The following IFTAP variants were observed in gnomAD, a reference collection of about 807,000 sequenced individuals.
IFTAP encodes intraflagellar transport-associated protein.
In IFTAP, 19 loss-of-function variants were observed where a neutral mutation model predicts 19.4. The ratio of observed to expected loss-of-function variants is 0.98; its 90% CI spans 0.68 to 1.44. The LOEUF (loss-of-function observed/expected upper bound fraction) is 1.44, where lower values mean the gene tolerates loss of function less well. Among genes scored for constraint, IFTAP ranks in the 40% most tolerant of loss-of-function variants. The pLI, the probability that IFTAP is intolerant of heterozygous loss-of-function variation, is 0.00. For synonymous variants in IFTAP, 85 were observed against 83.5 expected (o/e 1.02, Z -0.10); for missense variants, 240 against 253.6 (o/e 0.95, Z 0.36).
At chr11:36,649,758 C>G (rs936696698) in intron 5 of IFTAP, among the ~76,000 whole-genome samples, 1 of 152,092 alleles carries the variant, frequency 6.6e-6, no homozygotes, top group African/African-American at 2.4e-5. Flanking sequence ...CAAAATGATA[C>G]AAGCCACAGA....
chr11:36,645,579 C>T (rs1032139679), intron 4 of IFTAP, among the ~76,000 whole-genome samples: 3 of 151,700 alleles, frequency 2.0e-5, no homozygotes, highest in Non-Finnish European at 4.4e-5. Flanking sequence ...TTTTTTTTCT[C>T]CTGAGAGAAT....
intron 4 of IFTAP, among the ~76,000 whole-genome samples, chr11:36,637,189 AACCTCT>A (rs1389044546): frequency 6.6e-6 from 1 of 152,182 alleles, no homozygotes; most frequent in Admixed American, 6.5e-5. Context: ...TGGTTGTATA[AACCTCT>A]ACTCTAGCTT....
intron 1 of IFTAP, among the ~76,000 whole-genome samples, chr11:36,606,857 C>A (rs1054455073): frequency 8.5e-5 from 13 of 152,214 alleles, no homozygotes; most frequent in Non-Finnish European, 1.8e-4. Flanking sequence ...ATACATCCTA[C>A]TGTAGTGAAA....
intron 4 of IFTAP, among the ~76,000 whole-genome samples, chr11:36,638,150 ACC>A (rs1853031939): frequency 6.7e-6 from 1 of 148,618 alleles, no homozygotes; most frequent in Non-Finnish European, 1.5e-5. Flanking sequence ...ACCCCGCCCC[ACC>A]GCCCGCCCGA....
At chr11:36,632,741 AAG>A (rs1174151268) in intron 2 of IFTAP, among the ~76,000 whole-genome samples, 3 of 151,304 alleles carry the variant, frequency 2.0e-5, no homozygotes, top group Non-Finnish European at 4.4e-5. Flanking sequence ...ATAACCTGAA[AAG>A]AGATACTGCT....
At chr11:36,610,391 C>A in intron 2 of IFTAP, 152 bp downstream of exon 2, 1 of 685,360 alleles carries the variant, frequency 1.5e-6, no homozygotes, top group African/African-American at 1.8e-5. Context: ...GTGACTGATG[C>A]CCTAATGTTA....
chr11:36,658,171 C>T (rs2133557087), intron 5 of IFTAP, among the ~76,000 whole-genome samples: 1 of 152,240 alleles, frequency 6.6e-6, no homozygotes, highest in African/African-American at 2.4e-5. Context: ...CTTGCATAAA[C>T]CATAGTTTTC....
At chr11:36,626,792 C>G (rs534976383) in intron 2 of IFTAP, among the ~76,000 whole-genome samples, 5 of 151,202 alleles carry the variant, frequency 3.3e-5, no homozygotes, top group Non-Finnish European at 7.4e-5. Flanking sequence ...ATCAGCATTT[C>G]TACCATTGGG....
chr11:36,646,913 C>G (rs1853510986), intron 4 of IFTAP, among the ~76,000 whole-genome samples: 2 of 152,102 alleles, frequency 1.3e-5, no homozygotes, highest in African/African-American at 4.8e-5. Context: ...GCAGAATTGC[C>G]TTCTTTGCCA....
At chr11:36,629,981 C>T (rs546314962) in intron 2 of IFTAP, among the ~76,000 whole-genome samples, 2 of 151,354 alleles carry the variant, frequency 1.3e-5, no homozygotes, top group East Asian at 3.9e-4. Flanking sequence ...CGTATTATGT[C>T]TGACACTTAT....
intron 5 of IFTAP, among the ~76,000 whole-genome samples, chr11:36,649,671 G>C (rs1853628013): frequency 6.6e-6 from 1 of 152,038 alleles, no homozygotes; most frequent in Non-Finnish European, 1.5e-5. Flanking sequence ...ATCAAGTTGA[G>C]ACCCCATATA....
chr11:36,617,814 T>A (rs12416842), intron 2 of IFTAP, among the ~76,000 whole-genome samples: 17,233 of 152,012 alleles, frequency 0.11, 1,146 homozygotes, highest in African/African-American at 0.17. Context: ...CATTGTAGAT[T>A]AAATAATTTG....
At chr11:36,597,981 T>A (rs1851346594) in intron 1 of IFTAP, 1 of 152,096 alleles carries the variant, frequency 6.6e-6, no homozygotes, top group Non-Finnish European at 1.5e-5. Context: ...CTTCCCTATC[T>A]AGACACCAAA....
At chr11:36,607,907 A>G (rs1851750792) in intron 1 of IFTAP, among the ~76,000 whole-genome samples, 1 of 152,168 alleles carries the variant, frequency 6.6e-6, no homozygotes, top group Admixed American at 6.5e-5. Flanking sequence ...TTCCAGCCTC[A>G]GGTGATCCAC....
At chr11:36,615,003 G>T (rs1222950290) in intron 2 of IFTAP, among the ~76,000 whole-genome samples, 1 of 141,416 alleles carries the variant, frequency 7.1e-6, no homozygotes, top group Non-Finnish European at 1.5e-5. Flanking sequence ...CCATGCCTAT[G>T]TCCTGAATGG....
chr11:36,617,197 G>C (rs1420080164), intron 2 of IFTAP, among the ~76,000 whole-genome samples: 1 of 148,328 alleles, frequency 6.7e-6, no homozygotes, highest in Non-Finnish European at 1.5e-5. Context: ...ATATTTATTT[G>C]TATATATATT....
In IFTAP at chr11:36,610,064, A is replaced by AT. The variant is rs770865857; in HGVS notation, c.-23-12dup. The AT allele has an allele frequency of 9.4e-6, 15 of 1,604,176 alleles. No homozygotes were observed. The highest frequency in any genetic ancestry group is 1.1e-5 in the Non-Finnish European group (13 of 1,174,810). Reference sequence around the variant, plus strand: ...TATTGCCTGATTCTCTCTAGCTGGTATTTTTCTGTCTTGCAGATACTGTGG... The same window carrying AT: ...TATTGCCTGATTCTCTCTAGCTGGTATTTTTTCTGTCTTGCAGATACTGTGG... On this transcript the variant is annotated splice_polypyrimidine_tract_variant and intron_variant, in intron 1 of 5. Coordinates refer to ENST00000334307, the MANE Select transcript of IFTAP (RefSeq NM_138787.4).
intron 1 of IFTAP, among the ~76,000 whole-genome samples, chr11:36,606,018 G>A (rs1302742495): frequency 1.3e-5 from 2 of 152,182 alleles, no homozygotes; most frequent in Admixed American, 6.5e-5. Flanking sequence ...TGTCTGATAA[G>A]TCATTATCTG....
At chr11:36,643,210 G>GACAA (rs1333549441) in intron 4 of IFTAP, among the ~76,000 whole-genome samples, 1 of 151,804 alleles carries the variant, frequency 6.6e-6, no homozygotes, top group African/African-American at 2.4e-5. Flanking sequence ...ACCAATAACT[G>GACAA]ACAGAGAGCC....
Sources: gnomAD v4.1 joint callset for allele counts (sites outside exome capture counted in the v4.1 genomes callset) on GRCh38, gnomAD v4.1.1 for gene constraint, MANE v1.5 for transcripts, NCBI Gene and HGNC (gene_info 2026-07-23, HGNC 2026-07-21) for gene names.